ATL1: variants seen among roughly 807,000 people sequenced by gnomAD.
ATL1 encodes the protein atlastin GTPase 1, also known as atlastin-1.
ATL1 carries 31 observed loss-of-function variants against 75.5 expected under a neutral mutation model. The observed-to-expected ratio is 0.41, with a 90% CI of 0.31 to 0.55. ATL1 has a LOEUF of 0.55. Among genes scored for constraint, ATL1 ranks in the 20% least tolerant of loss-of-function variants. The pLI, the probability that ATL1 is intolerant of heterozygous loss-of-function variation, is 0.27. For missense variants in ATL1, 405 were observed against 662.6 expected (o/e 0.61, Z 4.27); for synonymous variants, 226 against 233.3 (o/e 0.97, Z 0.28).
intron 1 of ATL1, among the ~76,000 whole-genome samples, chr14:50,541,856 A>C (rs1405489832): frequency 6.6e-6 from 1 of 151,566 alleles, no homozygotes; most frequent in African/African-American, 2.4e-5. Flanking sequence ...AAATACAAAA[A>C]ATTAGCTGGG....
chr14:50,620,029 G>T (rs2039452222), intron 8 of ATL1, among the ~76,000 whole-genome samples: 1 of 152,156 alleles, frequency 6.6e-6, no homozygotes, highest in Non-Finnish European at 1.5e-5. Context: ...GGAGGCCGAG[G>T]CGGGAGGATC....
chr14:50,567,957 ATTG>A, intron 1 of ATL1, among the ~76,000 whole-genome samples: 1 of 152,248 alleles, frequency 6.6e-6, no homozygotes, highest in East Asian at 1.9e-4. Context: ...TGTGTATTCT[ATTG>A]TTGTTGGCTA....
At chr14:50,590,145 T>TG (rs1332257196) in intron 2 of ATL1, among the ~76,000 whole-genome samples, 1 of 152,236 alleles carries the variant, frequency 6.6e-6, no homozygotes, top group Non-Finnish European at 1.5e-5. Context: ...CCTGCTGTCC[T>TG]GGCCCTGGTC....
At chr14:50,560,130 C>T, upstream of ATL1, 2 of 1,027,186 alleles carry the variant, frequency 1.9e-6, no homozygotes. Flanking sequence ...CCACCAGCGC[C>T]ACAGCAACAT....
chr14:50,620,554 T>G (rs748763858), intron 8 of ATL1, 45 bp from the exon 9 acceptor site: 1 of 1,587,984 alleles, frequency 6.3e-7, no homozygotes, highest in Admixed American at 1.7e-5. Context: ...CATGGAGGAC[T>G]GGGAAGGATT....
chr14:50,631,717 A>G (rs978185016), intron 13 of ATL1, among the ~76,000 whole-genome samples: 1 of 152,170 alleles, frequency 6.6e-6, no homozygotes. Flanking sequence ...AAGAGCGTGT[A>G]AAGTGAAGGA....
chr14:50,603,779 T>A lies in ATL1; in HGVS notation c.630+8147T>A, dbSNP rs192948510. On this transcript the variant is annotated intron_variant, in intron 6 of 13. Transcript: ENST00000358385. ...CCTCACTGAGAAAATGAAAGGCTGA[T>A]GTCGGCCTGCTTGGGCTGAAAATTA... is the stretch of plus-strand genomic sequence containing the variant. Among the ~76,000 whole-genome samples, 973 of 152,304 alleles carry A rather than the reference T, an allele frequency of 6.4e-3. 7 individuals carry two copies. Among genetic ancestry groups the A allele is most frequent in the Non-Finnish European group, 9.2e-3 (628 of 68,018 alleles).
Position 50,593,869 on chromosome 14 carries a change from C to T in ATL1, c.546C>T (p.Val182=). 1 of 1,607,478 alleles carries T rather than the reference C, an allele frequency of 6.2e-7. No individual in the cohort carries two copies. The highest frequency in any genetic ancestry group is 8.5e-7 in the Non-Finnish European group (1 of 1,174,452). ...SIQVYNLSQN[V]QEDDLQHLQL... ...AGGTATATAACTTATCCCAAAATGT[C>T]CAGGAGGATGATCTTCAGCACCTCC... is the stretch of plus-strand genomic sequence containing the variant. The change falls in exon 5 of 14, where the codon GTC becomes GTT. Residue 182 remains valine (V), a synonymous_variant. Coordinates refer to ENST00000358385, the MANE Select transcript of ATL1 (RefSeq NM_015915.5).
rs1012968010 is a variant in ATL1 at position 50,627,881 on chromosome 14, G to A, written c.1120-150G>A. On this transcript the variant is annotated intron_variant, in intron 11 of 13. Coordinates refer to ENST00000358385, the MANE Select transcript of ATL1 (RefSeq NM_015915.5). ...TTTATAGTCATGCCTCGTGGATAGGGGGTGGAAAGATGTGGGCTGACAAAA... is the reference window on the plus strand; with the variant it reads ...TTTATAGTCATGCCTCGTGGATAGGAGGTGGAAAGATGTGGGCTGACAAAA... 3 of 713,870 alleles carry A rather than the reference G, an allele frequency of 4.2e-6. No individual in the cohort carries two copies. In the African/African-American group the frequency reaches 5.3e-5, roughly 13 times the overall value. 44.2% of individuals were successfully genotyped at this position (713,870 alleles called of 1,614,324 possible).
In ATL1 at chr14:50,574,943, A is replaced by G. The variant is rs867672533; in HGVS notation, c.35-12888A>G. Among the ~76,000 whole-genome samples, 18 of 106,398 alleles carry G rather than the reference A, an allele frequency of 1.7e-4. 1 individual carries two copies. The highest frequency in any genetic ancestry group is 9.2e-4 in the South Asian group (3 of 3,268). 69.8% of individuals were successfully genotyped at this position (106,398 alleles called of 152,430 possible). The stretch of plus-strand genomic sequence containing the variant: ...TGTGTGTGTGTGTGTGTGTGTATAT[A>G]TATATATATATATATATATATATAT... On this transcript the variant is annotated intron_variant, in intron 1 of 13. Coordinates refer to ENST00000358385, the MANE Select transcript of ATL1 (RefSeq NM_015915.5).
At chr14:50,612,910 T>C (rs1446958247) in intron 6 of ATL1, among the ~76,000 whole-genome samples, 2 of 152,182 alleles carry the variant, frequency 1.3e-5, no homozygotes, top group Non-Finnish European at 2.9e-5. Context: ...CATTCAGCCA[T>C]ACCTATCAGA....
Position 50,552,421 on chromosome 14 carries a change from T to A in ATL1, c.-139-7706T>A, listed in dbSNP as rs190162127. Among the ~76,000 whole-genome samples the A allele has an allele frequency of 7.9e-5, 12 of 152,334 alleles. No homozygotes were observed. In the East Asian group the frequency reaches 2.3e-3, roughly 29 times the overall value. On this transcript the variant is annotated intron_variant, in intron 1 of 13. Transcript: ENST00000441560. ...GCTCATGAATAGGTAGAATCAATATTGTGAACATGACCATACTGCCAAAAG... is the reference window on the plus strand; with the variant it reads ...GCTCATGAATAGGTAGAATCAATATAGTGAACATGACCATACTGCCAAAAG...
At chr14:50,589,832 A>AT (rs977820948) in intron 2 of ATL1, among the ~76,000 whole-genome samples, 1 of 152,188 alleles carries the variant, frequency 6.6e-6, no homozygotes. Flanking sequence ...GTTTATGTAG[A>AT]TTTTTTATCA....
intron 8 of ATL1, 152 bp from the exon 9 acceptor site, chr14:50,620,447 A>G (rs1033966109): frequency 2.0e-5 from 15 of 733,390 alleles, no homozygotes; most frequent in Non-Finnish European, 3.3e-5. Context: ...CTGTGAGAAG[A>G]GCAGGTTTCA....
At chr14:50,613,492 T>A (rs974609347) in intron 7 of ATL1, 141 bp downstream of exon 7, 4 of 699,826 alleles carry the variant, frequency 5.7e-6, no homozygotes, top group Non-Finnish European at 1.0e-5. Flanking sequence ...TGAAGAATTC[T>A]TTGTATATAT....
At chr14:50,624,005 A>G (rs2039492828) in intron 11 of ATL1, among the ~76,000 whole-genome samples, 1 of 152,178 alleles carries the variant, frequency 6.6e-6, no homozygotes, top group Non-Finnish European at 1.5e-5. Flanking sequence ...CAGTGAGCTG[A>G]GATTGTGCCA....
At chr14:50,598,454 G>A (rs980491061) in intron 6 of ATL1, among the ~76,000 whole-genome samples, 4 of 151,722 alleles carry the variant, frequency 2.6e-5, no homozygotes, top group Admixed American at 2.6e-4. Flanking sequence ...TCTGCCTCCC[G>A]GGTTCAAGCG....
intron 6 of ATL1, among the ~76,000 whole-genome samples, chr14:50,603,123 C>T (rs2039286372): frequency 6.6e-6 from 1 of 151,496 alleles, no homozygotes; most frequent in Admixed American, 6.6e-5. Context: ...AGCATAAACC[C>T]TAAAAAAAAA....
intron 1 of ATL1, among the ~76,000 whole-genome samples, chr14:50,549,909 C>T (rs181618296): frequency 6.6e-6 from 1 of 152,282 alleles, no homozygotes; most frequent in Admixed American, 6.5e-5. Flanking sequence ...ATGAATGGGC[C>T]TGTAAAATAT....
Sources: allele counts gnomAD v4.1 joint callset (sites outside exome capture counted in the v4.1 genomes callset), GRCh38; gene constraint gnomAD v4.1.1; transcripts MANE v1.5; gene names NCBI Gene and HGNC (gene_info 2026-07-23, HGNC 2026-07-21).